Variants in FABP12 observed in about 807,000 individuals in gnomAD.
FABP12 encodes the protein fatty acid binding protein 12.
Under a neutral mutation model 13.7 loss-of-function variants are expected in FABP12, and 19 were observed. The observed-to-expected ratio is 1.39, with a 90% confidence interval of 0.97 to 2.04. FABP12 has a LOEUF of 2.04. Among genes scored for constraint, FABP12 ranks in the 30% most tolerant of loss-of-function variants. The pLI is 0.00. For synonymous variants in FABP12, 61 were observed against 57.0 expected, an observed-to-expected ratio of 1.07 and a Z score of -0.32; for missense variants, 182 against 164.2, an observed-to-expected ratio of 1.11 and a Z score of -0.59.
intron 4 of FABP12, 43 bp from the exon 5 acceptor site, chr8:81,525,163 G>T: frequency 7.8e-7 from 1 of 1,282,360 alleles, no homozygotes; most frequent in Non-Finnish European, 1.1e-6. Context: ...TATAGTTAGT[G>T]AAATTAACAT....
Position 81,527,002 on chromosome 8 carries a change from G to A in FABP12, c.348+18C>T, listed in dbSNP as rs776903473. On this transcript the variant is annotated intron_variant, in intron 4 of 4. Coordinates refer to ENST00000360464, the Ensembl canonical transcript of FABP12. ...TCGTTGCAGAAGGTGGGAAGAAAGC[G>A]AGGATGGGCTAACTCACCACCACCA... 24 of 1,476,042 alleles carry A rather than the reference G, an allele frequency of 1.6e-5. No individual in the cohort carries two copies. Among genetic ancestry groups the A allele is most frequent in the Middle Eastern group, 1.7e-4 (1 of 5,804 alleles). 91.4% of individuals were successfully genotyped at this position (1,476,042 alleles called of 1,614,324 possible). A position where few individuals can be genotyped will look rare whatever the true frequency, so the allele number is the denominator to read the frequency against.
intron 1 of FABP12, among the ~76,000 whole-genome samples, chr8:81,552,135 G>T (rs971062968): frequency 1.3e-5 from 2 of 152,156 alleles, no homozygotes; most frequent in Admixed American, 6.6e-5. Flanking sequence ...AATCTATGGG[G>T]TACAGAAAGG....
At chr8:81,525,528 A>AT (rs1357446526) in intron 4 of FABP12, among the ~76,000 whole-genome samples, 5 of 146,494 alleles carry the variant, frequency 3.4e-5, no homozygotes, top group African/African-American at 1.3e-4. Context: ...AAAAAAAAAA[A>AT]AATAGATAGA....
chr8:81,563,737 C>T (rs1009684943), intron 1 of FABP12, among the ~76,000 whole-genome samples: 4 of 151,848 alleles, frequency 2.6e-5, no homozygotes, highest in African/African-American at 9.7e-5. Context: ...ACACAGTCAA[C>T]AGAGAAAAAA....
intron 2 of FABP12, 72 bp from the exon 3 acceptor site, chr8:81,529,682 A>G: frequency 7.5e-7 from 1 of 1,335,218 alleles, no homozygotes; most frequent in Non-Finnish European, 1.0e-6. Flanking sequence ...ACAATACAAT[A>G]CTTAAATCTG....
intron 1 of FABP12, among the ~76,000 whole-genome samples, chr8:81,575,955 T>C (rs1385602981): frequency 6.6e-6 from 1 of 152,182 alleles, no homozygotes; most frequent in Non-Finnish European, 1.5e-5. Flanking sequence ...TCCACGAAAT[T>C]GGTTTCTGGT....
chr8:81,570,759 G>A (rs1018081097), intron 1 of FABP12, among the ~76,000 whole-genome samples: 1 of 152,180 alleles, frequency 6.6e-6, no homozygotes, highest in African/African-American at 2.4e-5. Flanking sequence ...CCTCTGCTGT[G>A]CTCTGGCTAA....
intron 1 of FABP12, among the ~76,000 whole-genome samples, chr8:81,562,865 A>G (rs1309212993): frequency 6.6e-6 from 1 of 152,194 alleles, no homozygotes; most frequent in Admixed American, 6.5e-5. Flanking sequence ...TAAGGAGAGG[A>G]TACAAGCCTG....
chr8:81,556,205 C>T (rs1000918312), intron 1 of FABP12, among the ~76,000 whole-genome samples: 8 of 152,018 alleles, frequency 5.3e-5, no homozygotes, highest in Admixed American at 2.0e-4. Context: ...GATGGAAAGC[C>T]GGCAGGAATG....
intron 1 of FABP12, among the ~76,000 whole-genome samples, chr8:81,575,189 C>T (rs763564119): frequency 2.6e-5 from 4 of 152,052 alleles, no homozygotes; most frequent in African/African-American, 4.8e-5. Context: ...TTTTTAATTT[C>T]GATCTTGGTT....
At chr8:81,553,660 G>A (rs536757319) in intron 1 of FABP12, among the ~76,000 whole-genome samples, 12 of 152,228 alleles carry the variant, frequency 7.9e-5, no homozygotes, top group African/African-American at 2.2e-4. Flanking sequence ...TTTCTAGCTC[G>A]CAGTTCAGGC....
chr8:81,527,503 C>T (rs569301091), intron 3 of FABP12, among the ~76,000 whole-genome samples: 1 of 152,204 alleles, frequency 6.6e-6, no homozygotes, highest in Admixed American at 6.5e-5. Context: ...GCTGGGATTA[C>T]AGGCACATAC....
intron 1 of FABP12, among the ~76,000 whole-genome samples, chr8:81,557,853 C>G (rs1000812242): frequency 6.6e-6 from 1 of 151,950 alleles, no homozygotes; most frequent in South Asian, 2.1e-4. Flanking sequence ...GTTTTAAAAT[C>G]TCATACAGGC....
chr8:81,530,763 A>T (rs73275493), intron 2 of FABP12, among the ~76,000 whole-genome samples: 8,173 of 152,254 alleles, frequency 0.054, 301 homozygotes, highest in Middle Eastern at 0.1. Context: ...ACATAATCAT[A>T]AATTTCCTTT....
At chr8:81,544,373 G>A (rs1049881367) in intron 1 of FABP12, among the ~76,000 whole-genome samples, 9 of 152,180 alleles carry the variant, frequency 5.9e-5, no homozygotes, top group African/African-American at 2.2e-4. Flanking sequence ...GCTTCTGGTG[G>A]TTCCAGGTTC....
rs562331140 is a variant in FABP12, at chr8:81,529,623, T to A, written c.74-13A>T. ...GCTCTTCCTATACCTGGAAACCAGA[T>A]AAAAGGAGTATTATCTTTTTGCATA... On this transcript the variant is annotated splice_polypyrimidine_tract_variant and intron_variant, in intron 2 of 4. Coordinates refer to ENST00000360464, the Ensembl canonical transcript of FABP12. The A allele has an allele frequency of 2.7e-5, 44 of 1,606,434 alleles. 2 individuals carry two copies. The South Asian group carries it at 4.7e-4, about 17-fold the overall frequency.
intron 1 of FABP12, among the ~76,000 whole-genome samples, chr8:81,588,884 G>C (rs1265313775): frequency 2.0e-5 from 3 of 152,186 alleles, no homozygotes; most frequent in Non-Finnish European, 4.4e-5. Flanking sequence ...TATCCCAGGT[G>C]GGGGCTGGCA....
intron 1 of FABP12, among the ~76,000 whole-genome samples, chr8:81,556,211 G>C (rs1432955866): frequency 6.6e-6 from 1 of 152,176 alleles, no homozygotes; most frequent in African/African-American, 2.4e-5. Context: ...AAGCCGGCAG[G>C]AATGTGTTGT....
At chr8:81,559,848 C>T (rs190402815) in intron 1 of FABP12, among the ~76,000 whole-genome samples, 153 of 152,272 alleles carry the variant, frequency 1.0e-3, no homozygotes, top group African/African-American at 3.6e-3. Context: ...TAGAGTCTAG[C>T]TCAGGAGGAA....
Sources: allele counts gnomAD v4.1 joint callset (sites outside exome capture counted in the v4.1 genomes callset), GRCh38; gene constraint gnomAD v4.1.1; transcripts MANE v1.5; gene names NCBI Gene and HGNC (gene_info 2026-07-23, HGNC 2026-07-21).